Variants in ARPC1A observed in about 807,000 individuals in gnomAD.
ARPC1A encodes the protein actin-related protein 2/3 complex subunit 1A.
ARPC1A carries 8 observed loss-of-function variants against 46.9 expected under a neutral mutation model. That is an observed-to-expected ratio of 0.17 (90% CI 0.10 to 0.31). The LOEUF (loss-of-function observed/expected upper bound fraction) is 0.31. Among genes scored for constraint, ARPC1A ranks in the 10% least tolerant of loss-of-function variants. The pLI, the probability that ARPC1A is intolerant of heterozygous loss-of-function variation, is 1.00. For synonymous variants in ARPC1A, 152 were observed against 169.0 expected, an observed-to-expected ratio of 0.90 and a Z score of 0.78; for missense variants, 286 against 483.6, an observed-to-expected ratio of 0.59 and a Z score of 3.83.
In ARPC1A at chr7:99,349,352, T is replaced by C. The variant is rs911387109; in HGVS notation, c.500+393T>C. 2.0e-5 allele frequency among the ~76,000 whole-genome samples: 3 copies of C among 152,084 alleles called. No individual in the cohort carries two copies. The East Asian group carries it at 5.9e-4, about 30-fold the overall frequency. ...TGCTGGGATTACAGGCATGAGCCAG[T>C]GTGCCTGGCCTGTAAGTTTCCTTTT... is the stretch of plus-strand genomic sequence containing the variant. On this transcript the variant is annotated intron_variant, in intron 5 of 9. Transcript: ENST00000262942.
chr7:99,334,939 G>A (rs1584375370), intron 2 of ARPC1A, among the ~76,000 whole-genome samples: 1 of 152,166 alleles, frequency 6.6e-6, no homozygotes, highest in Non-Finnish European at 1.5e-5. Flanking sequence ...CGCCTCCGGG[G>A]TTCACACCAT....
At chr7:99,361,461 C>CAA (rs5886105) in intron 8 of ARPC1A, among the ~76,000 whole-genome samples, 3 of 110,184 alleles carry the variant, frequency 2.7e-5, no homozygotes, top group South Asian at 2.7e-4. Context: ...GATCCTATCT[C>CAA]AAAAAAAAAA....
intron 5 of ARPC1A, 78 bp from the exon 6 acceptor site, chr7:99,353,831 G>T: frequency 1.5e-6 from 2 of 1,376,538 alleles, no homozygotes; most frequent in South Asian, 2.6e-5. Flanking sequence ...GAGATTCCTT[G>T]TGGCAGCTGC....
In ARPC1A at chr7:99,334,026, CACACAT is replaced by C. The variant is rs1400261594; in HGVS notation, c.64+611_64+616del. ...GTGTACACACACACACACACACACA[CACACAT>C]ATATATGTATTTTTTTTTTTTGAGA... On this transcript the variant is annotated intron_variant, in intron 2 of 9. Coordinates refer to ENST00000262942, the MANE Select transcript of ARPC1A (RefSeq NM_006409.4). Among the ~76,000 whole-genome samples the C allele has an allele frequency of 9.2e-4, 129 of 139,746 alleles. 2 individuals carry two copies. The highest frequency in any genetic ancestry group is 3.6e-3 in the African/African-American group (121 of 33,210). The allele number at this position is 139,746 out of a possible 152,430, so 91.7% of individuals were successfully genotyped here. A position where few individuals can be genotyped will look rare whatever the true frequency, so the allele number is the denominator to read the frequency against.
intron 3 of ARPC1A, among the ~76,000 whole-genome samples, chr7:99,343,094 A>G (rs907618799): frequency 2.0e-5 from 3 of 149,544 alleles, no homozygotes; most frequent in African/African-American, 5.1e-5. Flanking sequence ...CTAATTATTA[A>G]TTTTTAGAGA....
Position 99,366,089 on chromosome 7 carries a change from GT to G in ARPC1A, c.*167del. On this transcript the variant is annotated 3_prime_UTR_variant, in exon 10 of 10. Coordinates refer to ENST00000262942, the MANE Select transcript of ARPC1A (RefSeq NM_006409.4). ...GAATATAAAATTGGTGAAAGTGTTG[GT>G]TTTTTTAAGGCAGTAATTTTTTTGT... 2 of 860,842 alleles carry G rather than the reference GT, an allele frequency of 2.3e-6. No individual in the cohort carries two copies. The highest frequency in any genetic ancestry group is 3.5e-6 in the Non-Finnish European group (2 of 578,666). 53.3% of individuals were successfully genotyped at this position (860,842 alleles called of 1,614,324 possible). A position where few individuals can be genotyped will look rare whatever the true frequency, so the allele number is the denominator to read the frequency against.
At chr7:99,353,220 G>A (rs1215474750) in intron 5 of ARPC1A, among the ~76,000 whole-genome samples, 1 of 151,678 alleles carries the variant, frequency 6.6e-6, no homozygotes, top group African/African-American at 2.4e-5. Context: ...GTGCAGTGGC[G>A]CAATCTCAGC....
At chr7:99,343,103 G>T (rs1793381921) in intron 3 of ARPC1A, among the ~76,000 whole-genome samples, 1 of 126,710 alleles carries the variant, frequency 7.9e-6, no homozygotes, top group Non-Finnish European at 1.6e-5. Context: ...AATTTTTAGA[G>T]AGAGATCTGT....
chr7:99,349,050 T>C, intron 5 of ARPC1A, 91 bp downstream of exon 5: 1 of 1,293,270 alleles, frequency 7.7e-7, no homozygotes, highest in Non-Finnish European at 1.1e-6. Context: ...TTTTTTGTTT[T>C]GTTGTGGTTG....
At chr7:99,345,566 G>A (rs1423349809) in intron 4 of ARPC1A, among the ~76,000 whole-genome samples, 1 of 151,976 alleles carries the variant, frequency 6.6e-6, no homozygotes, top group East Asian at 1.9e-4. Flanking sequence ...GAGGAAGCAG[G>A]AGAATTACTT....
chr7:99,357,188 C>G (rs1258244145), intron 6 of ARPC1A, among the ~76,000 whole-genome samples: 1 of 152,080 alleles, frequency 6.6e-6, no homozygotes, highest in African/African-American at 2.4e-5. Flanking sequence ...ACTTCTTTCC[C>G]TTTTCCAGTC....
intron 3 of ARPC1A, among the ~76,000 whole-genome samples, chr7:99,343,272 C>T (rs1793385634): frequency 6.6e-6 from 1 of 151,958 alleles, no homozygotes; most frequent in Non-Finnish European, 1.5e-5. Context: ...TCGAGACCAG[C>T]CTGGTCAACA....
intron 6 of ARPC1A, among the ~76,000 whole-genome samples, chr7:99,356,703 C>T (rs1056416784): frequency 6.6e-6 from 1 of 151,816 alleles, no homozygotes; most frequent in Non-Finnish European, 1.5e-5. Context: ...AGATCGAGAC[C>T]ATCCTGGCTA....
chr7:99,349,772 G>T (rs995651317), intron 5 of ARPC1A, among the ~76,000 whole-genome samples: 12 of 151,722 alleles, frequency 7.9e-5, no homozygotes, highest in Admixed American at 7.9e-4. Flanking sequence ...CTCGGGAGGC[G>T]GAGCTTGCAG....
chr7:99,330,874 G>A (rs1322495510), intron 1 of ARPC1A, among the ~76,000 whole-genome samples: 1 of 152,094 alleles, frequency 6.6e-6, no homozygotes, highest in Non-Finnish European at 1.5e-5. Flanking sequence ...AAGGCTGGCT[G>A]CTTTTTGAAA....
At chr7:99,331,897 C>G (rs1793149595) in intron 1 of ARPC1A, among the ~76,000 whole-genome samples, 1 of 152,118 alleles carries the variant, frequency 6.6e-6, no homozygotes, top group Non-Finnish European at 1.5e-5. Flanking sequence ...CCAGTCTGGG[C>G]AACAGAGTGA....
At chr7:99,364,801 G>C (rs1258000588) in intron 9 of ARPC1A, among the ~76,000 whole-genome samples, 1 of 152,148 alleles carries the variant, frequency 6.6e-6, no homozygotes, top group Admixed American at 6.6e-5. Context: ...TGCCATGCAT[G>C]ATGCTGAGCA....
In ARPC1A at chr7:99,363,649, CAG is replaced by C. The variant is rs1793778095; in HGVS notation, c.1074+18_1074+19del. 6.6e-7 allele frequency: 1 copy of C among 1,520,944 alleles called. No homozygotes were observed. The highest frequency in any genetic ancestry group is 9.0e-7 in the Non-Finnish European group (1 of 1,117,166). The allele number at this position is 1,520,944 out of a possible 1,614,324, so 94.2% of individuals were successfully genotyped here. ...GGATTTCAAGGTATTTTCTACCTAA[CAG>C]AACAAATTTTGTTTGTGTTAAAACT... On this transcript the variant is annotated intron_variant, in intron 9 of 9. Transcript: ENST00000262942.
At chr7:99,342,785 C>T (rs532739730) in intron 3 of ARPC1A, among the ~76,000 whole-genome samples, 133 of 134,182 alleles carry the variant, frequency 9.9e-4, no homozygotes, top group African/African-American at 3.7e-3. Context: ...TGCAGTGGTG[C>T]GATCTCGGCT....
Sources: allele counts gnomAD v4.1 joint callset (sites outside exome capture counted in the v4.1 genomes callset), GRCh38; gene constraint gnomAD v4.1.1; transcripts MANE v1.5; gene names NCBI Gene and HGNC (gene_info 2026-07-23, HGNC 2026-07-21).